RALY: variants seen among roughly 807,000 people sequenced by gnomAD.
RALY encodes the protein RNA-binding protein Raly.
A neutral mutation model predicts 30.7 loss-of-function variants in RALY; 15 were observed. That is an observed-to-expected ratio of 0.49 (90% CI 0.33 to 0.75). The LOEUF (loss-of-function observed/expected upper bound fraction) is 0.75. Ranked by LOEUF, RALY falls within the 30% of genes least tolerant of loss-of-function variation. The pLI is 0.02. For synonymous variants in RALY, 177 were observed against 170.8 expected, an observed-to-expected ratio of 1.04 and a Z score of -0.28; for missense variants, 339 against 414.3, an observed-to-expected ratio of 0.82 and a Z score of 1.58.
At chr20:34,016,214 T>C (rs2031603088) in intron 1 of RALY, among the ~76,000 whole-genome samples, 1 of 152,244 alleles carries the variant, frequency 6.6e-6, no homozygotes, top group Non-Finnish European at 1.5e-5. Context: ...TGTATCTTCA[T>C]AACAGACATT....
intron 1 of RALY, among the ~76,000 whole-genome samples, chr20:34,019,249 C>T (rs750276283): frequency 2.6e-5 from 4 of 152,026 alleles, no homozygotes; most frequent in African/African-American, 7.2e-5. Context: ...TTGCTTGAAC[C>T]CGAGAGGTGG....
Position 34,082,080 on chromosome 20 carries a change from G to A in RALY, c.*2175G>A, listed in dbSNP as rs768440747. The A allele has an allele frequency of 2.6e-5, 4 of 152,390 alleles. No individual in the cohort carries two copies. Among genetic ancestry groups the A allele is most frequent in the Admixed American group, 2.6e-4 (4 of 15,294 alleles). The allele number at this position is 152,390 out of a possible 1,614,324, so 9.4% of individuals were successfully genotyped here. Reference sequence around the variant, plus strand: ...AAAGGCTTCTATTTGGAGAGCTGAAGAGGGTGTACAGAGGAAGGGGCTAGG... The same window carrying A: ...AAAGGCTTCTATTTGGAGAGCTGAAAAGGGTGTACAGAGGAAGGGGCTAGG... On this transcript the variant is annotated 3_prime_UTR_variant, in exon 10 of 10. Coordinates refer to ENST00000246194, the MANE Select transcript of RALY (RefSeq NM_016732.3).
chr20:34,072,000 A>G, intron 2 of RALY, 66 bp from the exon 3 acceptor site: 4 of 1,543,448 alleles, frequency 2.6e-6, no homozygotes, highest in Non-Finnish European at 3.5e-6. Flanking sequence ...TATCCAGGAT[A>G]TGGGCCGTGG....
chr20:34,072,404 T>TTC, intron 3 of RALY, 74 bp downstream of exon 3: 1 of 1,485,444 alleles, frequency 6.7e-7, no homozygotes, highest in Non-Finnish European at 9.0e-7. Context: ...CTCAACCCCC[T>TTC]TCTCTCTTTC....
In RALY at chr20:34,073,641, G is replaced by A. The variant is rs967605298; in HGVS notation, c.329+6G>A. On this transcript the variant is annotated splice_donor_region_variant and intron_variant, in intron 4 of 9. Coordinates refer to ENST00000246194, the MANE Select transcript of RALY (RefSeq NM_016732.3). ...GCAGCATCTGCCATATACAGGTGGGGCTGTCTGACTGTCTGTCTGTCTGGT... is the reference window on the plus strand; with the variant it reads ...GCAGCATCTGCCATATACAGGTGGGACTGTCTGACTGTCTGTCTGTCTGGT... The A allele has an allele frequency of 3.2e-6, 5 of 1,585,908 alleles. No individual in the cohort carries two copies. The Admixed American group carries it at 5.0e-5, about 16-fold the overall frequency.
At chr20:34,020,292 T>G (rs2031771721) in intron 1 of RALY, among the ~76,000 whole-genome samples, 1 of 152,162 alleles carries the variant, frequency 6.6e-6, no homozygotes, top group African/African-American at 2.4e-5. Flanking sequence ...GAGGAATCAT[T>G]GGCAAAGACT....
At chr20:34,002,148 G>A (rs2030949061) in intron 1 of RALY, among the ~76,000 whole-genome samples, 1 of 152,158 alleles carries the variant, frequency 6.6e-6, no homozygotes, top group Non-Finnish European at 1.5e-5. Context: ...TGGTACTGAG[G>A]AATGGTGCTG....
chr20:34,050,730 G>T (rs1265904454), intron 2 of RALY, among the ~76,000 whole-genome samples: 1 of 152,198 alleles, frequency 6.6e-6, no homozygotes, highest in Non-Finnish European at 1.5e-5. Flanking sequence ...TACAGAGGCT[G>T]CTGGGATCTG....
At chr20:34,045,685 T>G (rs2032856729) in intron 2 of RALY, among the ~76,000 whole-genome samples, 1 of 152,198 alleles carries the variant, frequency 6.6e-6, no homozygotes, top group Non-Finnish European at 1.5e-5. Flanking sequence ...ATACCTTCAT[T>G]TTCTTCTCCC....
intron 2 of RALY, among the ~76,000 whole-genome samples, chr20:34,053,383 A>ATTTT (rs60912814): frequency 0.041 from 2,224 of 54,180 alleles, 376 homozygotes; most frequent in East Asian, 0.099. Flanking sequence ...ATGTTCAATA[A>ATTTT]TTTTTTTTTT....
rs539352667 is a variant in RALY, at chr20:34,077,071, CGGT to C, written c.711_713del (p.Gly238del). On this transcript the variant is annotated inframe_deletion, in exon 8 of 10. Coordinates refer to ENST00000246194, the MANE Select transcript of RALY (RefSeq NM_016732.3). ...ATGGAGGTGGCGCCGGCGGCGGCGG[CGGT>C]GGTGGTGGCAGCGGTGGCGGTGGCA... 2,146 of 1,597,698 alleles carry C rather than the reference CGGT, an allele frequency of 1.3e-3. 28 individuals carry two copies. In the East Asian group the frequency reaches 0.033, roughly 24 times the overall value.
At chr20:34,042,198 C>T (rs760163274) in intron 2 of RALY, among the ~76,000 whole-genome samples, 2 of 152,166 alleles carry the variant, frequency 1.3e-5, no homozygotes, top group Non-Finnish European at 2.9e-5. Flanking sequence ...AGCTCAGCCT[C>T]CCCACTACCC....
At position 34,076,769 on chromosome 20, in the gene RALY, G is replaced by T; in HGVS notation, c.612G>T (p.Leu204=). 1 of 1,614,112 alleles carries T rather than the reference G, an allele frequency of 6.2e-7. No individual in the cohort carries two copies. The highest frequency in any genetic ancestry group is 2.2e-5 in the East Asian group (1 of 44,880). The part of the protein sequence containing the change: ...LTQIKSNIDA[L]LSRLEQIAAE... ...AGATCAAGTCCAATATCGATGCCCT[G>T]CTGAGCCGCTTGGAGCAGATCGCTG... is the stretch of plus-strand genomic sequence containing the variant. Residue 204 remains leucine (L), a synonymous_variant, in exon 7 of 10, where the codon CTG becomes CTT. Transcript: ENST00000246194.
At chr20:34,001,927 C>G (rs2030935920) in intron 1 of RALY, among the ~76,000 whole-genome samples, 1 of 152,032 alleles carries the variant, frequency 6.6e-6, no homozygotes, top group Non-Finnish European at 1.5e-5. Flanking sequence ...CCACCACGCC[C>G]GGCTAATTTT....
intron 1 of RALY, among the ~76,000 whole-genome samples, chr20:34,009,564 C>T (rs2031310236): frequency 6.6e-6 from 1 of 152,104 alleles, no homozygotes; most frequent in African/African-American, 2.4e-5. Context: ...ATTGTGACTC[C>T]TTGTACACTG....
chr20:34,066,962 A>G lies in RALY; in HGVS notation c.-9-5104A>G, dbSNP rs560073764. ...GTGTGTGGCTGACTCAAGGTAACAT[A>G]ATCTTGCCAGGGAAGTCAGAACCCA... On this transcript the variant is annotated intron_variant, in intron 2 of 9. Transcript: ENST00000246194. Among the ~76,000 whole-genome samples, 7 of 152,308 alleles carry G rather than the reference A, an allele frequency of 4.6e-5. No individual in the cohort carries two copies. The South Asian group carries it at 1.2e-3, about 27-fold the overall frequency.
At chr20:33,997,876 C>T (rs2030715477) in intron 1 of RALY, among the ~76,000 whole-genome samples, 1 of 152,146 alleles carries the variant, frequency 6.6e-6, no homozygotes, top group African/African-American at 2.4e-5. Context: ...AACACATGAT[C>T]ATGTGTCTGG....
In RALY at chr20:34,077,011, C is replaced by T. The variant is rs774939163; in HGVS notation, c.659-17C>T. The stretch of plus-strand genomic sequence containing the variant: ...GGCTGAGTTTTATTCTCCCCTCCTC[C>T]ACCCCTTCCCCTCAAGATGGCAAGA... On this transcript the variant is annotated splice_polypyrimidine_tract_variant and intron_variant, in intron 7 of 9. Coordinates refer to ENST00000246194, the MANE Select transcript of RALY (RefSeq NM_016732.3). The T allele has an allele frequency of 1.2e-5, 19 of 1,610,402 alleles. No individual in the cohort carries two copies. Among genetic ancestry groups the T allele is most frequent in the Non-Finnish European group, 1.5e-5 (18 of 1,179,102 alleles).
At chr20:34,013,413 CAAAAA>C (rs34859292) in intron 1 of RALY, among the ~76,000 whole-genome samples, 4 of 84,830 alleles carry the variant, frequency 4.7e-5, no homozygotes, top group South Asian at 5.6e-4. Context: ...GACCTTGTCT[CAAAAA>C]AAAAAAAAAA....
Sources: gnomAD v4.1 joint callset for allele counts (sites outside exome capture counted in the v4.1 genomes callset) on GRCh38, gnomAD v4.1.1 for gene constraint, MANE v1.5 for transcripts, NCBI Gene and HGNC (gene_info 2026-07-23, HGNC 2026-07-21) for gene names.